PCDHA9: variants seen among roughly 807,000 people sequenced by gnomAD.
The protein encoded by PCDHA9 is protocadherin alpha 9, also known as protocadherin alpha-9.
In PCDHA9, 62 loss-of-function variants were observed where a neutral mutation model predicts 62.0. The observed-to-expected ratio is 1.00, with a 90% CI of 0.81 to 1.23. PCDHA9 has a LOEUF of 1.23. PCDHA9 is among the 50% of genes most tolerant of loss of function. PCDHA9 has a pLI of 0.00. For synonymous variants in PCDHA9, 557 were observed against 567.6 expected, an observed-to-expected ratio of 0.98 and a Z score of 0.27; for missense variants, 1,205 against 1,249.8, an observed-to-expected ratio of 0.96 and a Z score of 0.54.
chr5:140,988,739 G>A (rs2097310931), intron 3 of PCDHA9, among the ~76,000 whole-genome samples: 1 of 152,096 alleles, frequency 6.6e-6, no homozygotes, highest in Non-Finnish European at 1.5e-5. Flanking sequence ...AATTATTCTA[G>A]GATTGGTGGC....
chr5:140,856,488 T>C lies in PCDHA9; in HGVS notation c.2394+5599T>C. Reference sequence around the variant, plus strand: ...CTCTCAATACCTGAATCCAGACTGCTTGACTCTCGATTTCCACTAGAAGGC... The same window carrying C: ...CTCTCAATACCTGAATCCAGACTGCCTGACTCTCGATTTCCACTAGAAGGC... On this transcript the variant is annotated intron_variant, in intron 1 of 3. Coordinates refer to ENST00000532602, the MANE Select transcript of PCDHA9 (RefSeq NM_031857.2). 3.1e-6 allele frequency: 5 copies of C among 1,598,406 alleles called. 2 individuals carry two copies. Among genetic ancestry groups the C allele is most frequent in the Non-Finnish European group, 3.4e-6 (4 of 1,167,896 alleles).
chr5:140,956,960 TAATC>T (rs2307694), intron 1 of PCDHA9, among the ~76,000 whole-genome samples: 47,965 of 151,898 alleles, frequency 0.32, 7,886 homozygotes, highest in East Asian at 0.53. Flanking sequence ...ACACTGTAAT[TAATC>T]AGTCAATTTA....
chr5:140,924,701 C>A (rs2081959929), intron 1 of PCDHA9, among the ~76,000 whole-genome samples: 1 of 152,008 alleles, frequency 6.6e-6, no homozygotes, highest in African/African-American at 2.4e-5. Flanking sequence ...TCGAGACCAG[C>A]TTGTGCAACA....
intron 1 of PCDHA9, chr5:140,871,216 G>A (rs782807102): frequency 5.6e-6 from 9 of 1,613,738 alleles, no homozygotes; most frequent in East Asian, 4.5e-5. Context: ...CGCCATCTGC[G>A]TGGTGTCCAG....
intron 1 of PCDHA9, among the ~76,000 whole-genome samples, chr5:140,952,159 G>T (rs1226707673): frequency 2.0e-5 from 3 of 152,056 alleles, no homozygotes; most frequent in African/African-American, 7.2e-5. Context: ...TGGCTTTGTG[G>T]GGTTCAGTTC....
At chr5:140,966,470 T>G (rs782674249) in intron 1 of PCDHA9, 26 of 431,180 alleles carry the variant, frequency 6.0e-5, no homozygotes, top group Non-Finnish European at 9.3e-5. Context: ...TCTTCCCTTC[T>G]GTTTCCTTTT....
chr5:140,931,952 A>G (rs1159894265), intron 1 of PCDHA9, among the ~76,000 whole-genome samples: 2 of 151,970 alleles, frequency 1.3e-5, no homozygotes, highest in African/African-American at 4.8e-5. Flanking sequence ...AGTCTTACAG[A>G]ATCATGTTGA....
Position 140,850,539 on chromosome 5 carries a change from G to A in PCDHA9, c.2044G>A (p.Ala682Thr), listed in dbSNP as rs1310321897. 6.3e-7 allele frequency: 1 copy of A among 1,598,284 alleles called. No individual in the cohort carries two copies. Among genetic ancestry groups the A allele is most frequent in the Non-Finnish European group, 8.6e-7 (1 of 1,167,870 alleles). The change falls in exon 1 of 4, where the codon GCG becomes ACG. Residue 682 changes from alanine (A) to threonine (T), a missense_variant. Ala to Thr is a moderately conservative substitution (Grantham distance 58, BLOSUM62 0). This residue lies in a region of PCDHA9 where 887 missense variants were observed against 809.5 expected (regional missense o/e 1.10). Coordinates refer to ENST00000532602, the MANE Select transcript of PCDHA9 (RefSeq NM_031857.2). ...CCAGGCGCCAAAGTCATCGTCGCGG[G>A]CGTCAGTGGGTGCCACGGGCCCCGA... ...SGQAPKSSSR[A>T]SVGATGPEVT...
intron 3 of PCDHA9, among the ~76,000 whole-genome samples, chr5:140,996,776 A>G (rs1554255393): frequency 6.6e-6 from 1 of 152,206 alleles, no homozygotes; most frequent in Non-Finnish European, 1.5e-5. Flanking sequence ...TAAAATGAGT[A>G]GTGCCTCACT....
At chr5:140,866,641 A>C (rs567516921) in intron 1 of PCDHA9, 3 of 152,226 alleles carry the variant, frequency 2.0e-5, no homozygotes, top group African/African-American at 2.4e-5. Flanking sequence ...ACGGTGTCAA[A>C]ATTTATTTAT....
At position 140,882,067 on chromosome 5, in the gene PCDHA9, G is replaced by A. The variant is rs1031145324; in HGVS notation, c.2394+31178G>A. 7.1e-6 allele frequency: 6 copies of A among 848,700 alleles called. No individual in the cohort carries two copies. The East Asian group carries it at 8.0e-5, about 11-fold the overall frequency. 52.6% of individuals were successfully genotyped at this position (848,700 alleles called of 1,614,324 possible). A position where few individuals can be genotyped will look rare whatever the true frequency, so the allele number is the denominator to read the frequency against. ...GTCATACTTACACTTACACGTTCATGCGCATGGTGTCGCTCTTCACTGAGA... is the reference window on the plus strand; with the variant it reads ...GTCATACTTACACTTACACGTTCATACGCATGGTGTCGCTCTTCACTGAGA... On this transcript the variant is annotated intron_variant, in intron 1 of 3. Transcript: ENST00000532602.
At chr5:140,858,468 G>T in intron 1 of PCDHA9, 1 of 1,521,202 alleles carries the variant, frequency 6.6e-7, no homozygotes, top group Non-Finnish European at 8.9e-7. Context: ...TTCCTTTTGT[G>T]CTTTATGAAT....
chr5:140,869,250 G>T lies in PCDHA9; in HGVS notation c.2394+18361G>T, dbSNP rs371660992. ...ACGGCACCTTCGTGGGCCGCATCGC[G>T]CAGGACCTGGGGCTGGAGCTGGCGG... On this transcript the variant is annotated intron_variant, in intron 1 of 3. Transcript: ENST00000532602. The T allele has an allele frequency of 8.4e-5, 135 of 1,613,518 alleles. No homozygotes were observed. In the Middle Eastern group the frequency reaches 1.0e-3, roughly 13 times the overall value.
chr5:140,868,708 A>C, intron 1 of PCDHA9: 1 of 186,682 alleles, frequency 5.4e-6, no homozygotes, highest in Non-Finnish European at 1.1e-5. Context: ...CATAGACACA[A>C]TAATTTAAAT....
intron 1 of PCDHA9, among the ~76,000 whole-genome samples, chr5:140,924,244 C>T (rs1375839311): frequency 6.6e-6 from 1 of 152,152 alleles, no homozygotes; most frequent in East Asian, 1.9e-4. Flanking sequence ...TGTTTTGCAT[C>T]CTGGTGAGAT....
Position 140,951,753 on chromosome 5 carries a change from C to T in PCDHA9, c.2395-27196C>T, listed in dbSNP as rs140119406. ...ATTCTGCCACTGCCCTCACCCTCCGCGAAATCTCATGACGTTCTTACATTG... is the reference window on the plus strand; with the variant it reads ...ATTCTGCCACTGCCCTCACCCTCCGTGAAATCTCATGACGTTCTTACATTG... On this transcript the variant is annotated intron_variant, in intron 1 of 3. Transcript: ENST00000532602. Among the ~76,000 whole-genome samples the T allele has an allele frequency of 7.0e-3, 1,059 of 152,208 alleles. 11 individuals are homozygous for T. The highest frequency in any genetic ancestry group is 0.014 in the Admixed American group (209 of 15,290).
intron 1 of PCDHA9, chr5:140,877,813 G>A (rs781966059): frequency 6.2e-7 from 1 of 1,610,266 alleles, no homozygotes; most frequent in Admixed American, 1.7e-5. Context: ...GCTGTCTCGA[G>A]AAGATTGTTT....
chr5:140,871,692 C>A, intron 1 of PCDHA9: 2 of 997,190 alleles, frequency 2.0e-6, no homozygotes, highest in Non-Finnish European at 2.9e-6. Flanking sequence ...AATCTGGCTT[C>A]TTTAACCAAT....
Position 141,011,176 on chromosome 5 carries a change from A to G in PCDHA9, c.*1239A>G, listed in dbSNP as rs1198355681. On this transcript the variant is annotated 3_prime_UTR_variant, in exon 4 of 4. Coordinates refer to ENST00000532602, the MANE Select transcript of PCDHA9 (RefSeq NM_031857.2). The stretch of plus-strand genomic sequence containing the variant: ...ACCAACTATATATCAAGACCCAAAA[A>G]TTGAAGAAAAATATTGTTTTCTCAT... 1 of 153,724 alleles carries G rather than the reference A, an allele frequency of 6.5e-6. No homozygotes were observed. The highest frequency in any genetic ancestry group is 1.5e-5 in the Non-Finnish European group (1 of 68,024). The allele number at this position is 153,724 out of a possible 1,614,324, so 9.5% of individuals were successfully genotyped here.
Sources: gnomAD v4.1 joint callset for allele counts (sites outside exome capture counted in the v4.1 genomes callset) on GRCh38, gnomAD v4.1.1 for gene constraint, gnomAD v4.1.1 regional missense constraint, MANE v1.5 for transcripts, NCBI Gene and HGNC (gene_info 2026-07-23, HGNC 2026-07-21) for gene names.